Variants in PRDX3 observed in about 807,000 individuals in gnomAD.
PRDX3 encodes the protein thioredoxin-dependent peroxide reductase, mitochondrial.
In PRDX3, 20 loss-of-function variants were observed where a neutral mutation model predicts 30.4. That is an observed-to-expected ratio of 0.66 (90% confidence interval 0.46 to 0.96). The LOEUF (loss-of-function observed/expected upper bound fraction) is 0.96, where lower values mean the gene tolerates loss of function less well. Among genes scored for constraint, PRDX3 ranks in the 40% least tolerant of loss-of-function variants. PRDX3 has a pLI of 0.00. For missense variants in PRDX3, 322 were observed against 318.3 expected (o/e 1.01, Z -0.09); for synonymous variants, 124 against 117.8 (o/e 1.05, Z -0.34).
At chr10:119,171,806 AG>A (rs2133655001) in intron 5 of PRDX3, among the ~76,000 whole-genome samples, 1 of 152,380 alleles carries the variant, frequency 6.6e-6, no homozygotes, top group African/African-American at 2.4e-5. Flanking sequence ...GTTAAAAAAA[AG>A]AAAAACTCAA....
chr10:119,175,939 C>T (rs921771862), intron 2 of PRDX3, among the ~76,000 whole-genome samples: 13 of 151,932 alleles, frequency 8.6e-5, no homozygotes, highest in South Asian at 4.2e-4. Context: ...CCACCACACC[C>T]GGCTTATTTT....
At chr10:119,174,965 G>A (rs907068524) in intron 2 of PRDX3, among the ~76,000 whole-genome samples, 1 of 152,104 alleles carries the variant, frequency 6.6e-6, no homozygotes, top group African/African-American at 2.4e-5. Context: ...TTTGTGTTCA[G>A]TATAGACACA....
At chr10:119,178,720 G>A in intron 1 of PRDX3, 35 bp downstream of exon 1, 1 of 1,550,634 alleles carries the variant, frequency 6.4e-7, no homozygotes, top group Non-Finnish European at 8.7e-7. Flanking sequence ...AGCCACCAGT[G>A]TCTCCACGCC....
At chr10:119,169,075 C>T (rs781059363) in intron 6 of PRDX3, 102 bp downstream of exon 6, 24 of 1,282,136 alleles carry the variant, frequency 1.9e-5, no homozygotes, top group South Asian at 1.3e-4. Context: ...ATCATCTGCA[C>T]GCTTGCTTCA....
intron 2 of PRDX3, 142 bp from the exon 3 acceptor site, chr10:119,174,734 GCA>G: frequency 1.2e-6 from 1 of 821,592 alleles, no homozygotes; most frequent in Non-Finnish European, 1.8e-6. Context: ...TACATCTTAG[GCA>G]CAGTCATCCT....
chr10:119,178,673 A>G (rs934418993), intron 1 of PRDX3, 82 bp downstream of exon 1: 11 of 1,501,536 alleles, frequency 7.3e-6, no homozygotes, highest in Non-Finnish European at 1.0e-5. Context: ...CCTCATGCCC[A>G]GAAGCGCGGG....
At chr10:119,178,290 A>G (rs1848090913) in intron 1 of PRDX3, among the ~76,000 whole-genome samples, 1 of 152,256 alleles carries the variant, frequency 6.6e-6, no homozygotes, top group South Asian at 2.1e-4. Flanking sequence ...AAACAGCAGC[A>G]GAAACACGCG....
At chr10:119,171,536 G>A (rs561700934) in intron 5 of PRDX3, among the ~76,000 whole-genome samples, 1 of 152,240 alleles carries the variant, frequency 6.6e-6, no homozygotes, top group Non-Finnish European at 1.5e-5. Flanking sequence ...TTTGAATGTG[G>A]GGCTGCTGAG....
intron 6 of PRDX3, among the ~76,000 whole-genome samples, 179 bp from the exon 7 acceptor site, chr10:119,168,712 T>G (rs554059640): frequency 6.6e-6 from 1 of 152,294 alleles, no homozygotes; most frequent in South Asian, 2.1e-4. Flanking sequence ...GCACGGTGGC[T>G]CACGCCGGTA....
chr10:119,177,282 G>GAGCAT, intron 1 of PRDX3, 129 bp from the exon 2 acceptor site: 1 of 866,492 alleles, frequency 1.2e-6, no homozygotes, highest in Middle Eastern at 3.5e-4. Context: ...CAAACTCTAA[G>GAGCAT]AGCATGGATT....
chr10:119,172,208 G>T (rs1471367013), intron 5 of PRDX3, among the ~76,000 whole-genome samples, 174 bp downstream of exon 5: 2 of 152,234 alleles, frequency 1.3e-5, no homozygotes, highest in African/African-American at 4.8e-5. Flanking sequence ...GAACTCAAGT[G>T]ATCTTCCCGC....
At chr10:119,178,021 C>T (rs1228904152) in intron 1 of PRDX3, among the ~76,000 whole-genome samples, 1 of 151,732 alleles carries the variant, frequency 6.6e-6, no homozygotes, top group Non-Finnish European at 1.5e-5. Flanking sequence ...GCACTGACCA[C>T]CATGCCCGGC....
At chr10:119,178,671 C>T (rs1410655448) in intron 1 of PRDX3, 84 bp downstream of exon 1, 3 of 1,495,320 alleles carry the variant, frequency 2.0e-6, no homozygotes, top group East Asian at 2.5e-5. Context: ...GCCCTCATGC[C>T]CAGAAGCGCG....
In PRDX3 at chr10:119,173,730, GCCATACCTTT is replaced by G. The variant is rs746032828; in HGVS notation, c.444_447+6del. 1 of 1,611,214 alleles carries G rather than the reference GCCATACCTTT, an allele frequency of 6.2e-7. No homozygotes were observed. The highest frequency in any genetic ancestry group is 2.2e-5 in the East Asian group (1 of 44,866). On this transcript the variant is annotated splice_donor_variant and splice_donor_5th_base_variant and coding_sequence_variant and intron_variant, in exon 4 of 7. Transcript: ENST00000298510. LOFTEE classifies it high-confidence loss of function. ...TAAGAGCAAAAGCTAGGGGTACAAT[GCCATACCTTT>G]CTTGGTGTATTTATCCAGGCAAGAT...
rs34982197 is a variant in PRDX3 at position 119,175,155 on chromosome 10, G to A, written c.170-563C>T. 6.2e-4 allele frequency among the ~76,000 whole-genome samples: 94 copies of A among 152,334 alleles called. No homozygotes were observed. The East Asian group carries it at 0.016, about 26-fold the overall frequency. The stretch of plus-strand genomic sequence containing the variant: ...GTAGGGATAGAATTAAGGAAGACAT[G>A]AGACTAGAGATGGATTTTAAATATG... On this transcript the variant is annotated intron_variant, in intron 2 of 6. Transcript: ENST00000298510.
In PRDX3 at chr10:119,173,760, C is replaced by A; in HGVS notation, c.424G>T (p.Ala142Ser). The A allele has an allele frequency of 6.2e-7, 1 of 1,612,208 alleles. No homozygotes were observed. Among genetic ancestry groups the A allele is most frequent in the East Asian group, 2.2e-5 (1 of 44,874 alleles). ...VSVDSHFSHL[A>S]WINTPRKNGG... is the part of the protein sequence containing the mutation. ...ACCTTTCTTGGTGTATTTATCCAGG[C>A]AAGATGGCTAAAGTGGGAATCCACT... The change falls in exon 4 of 7, where the codon GCC (alanine) becomes TCC (serine). Residue 142 changes from alanine (A) to serine (S), a missense_variant. Coordinates refer to ENST00000298510, the MANE Select transcript of PRDX3 (RefSeq NM_006793.5).
At chr10:119,178,318 G>C (rs1848092356) in intron 1 of PRDX3, among the ~76,000 whole-genome samples, 1 of 152,228 alleles carries the variant, frequency 6.6e-6, no homozygotes, top group African/African-American at 2.4e-5. Context: ...GATTGGGAGG[G>C]AAAGCCTTTG....
chr10:119,174,846 C>A (rs1199669368), intron 2 of PRDX3: 4 of 367,050 alleles, frequency 1.1e-5, no homozygotes, highest in African/African-American at 8.3e-5. Context: ...CACACACCCT[C>A]CAGTATACTT....
chr10:119,177,636 G>A (rs937805326), intron 1 of PRDX3, among the ~76,000 whole-genome samples: 2 of 134,716 alleles, frequency 1.5e-5, no homozygotes, highest in Non-Finnish European at 1.5e-5. Context: ...TAACCTGGGC[G>A]ACAACTCCGT....
Sources: gnomAD v4.1 joint callset for allele counts (sites outside exome capture counted in the v4.1 genomes callset) on GRCh38, gnomAD v4.1.1 for gene constraint, MANE v1.5 for transcripts, NCBI Gene and HGNC (gene_info 2026-07-23, HGNC 2026-07-21) for gene names.